FEZ2: variants seen among roughly 807,000 people sequenced by gnomAD.
The protein encoded by FEZ2 is fasciculation and elongation protein zeta 2.
A neutral mutation model predicts 40.4 loss-of-function variants in FEZ2; 51 were observed. The ratio of observed to expected loss-of-function variants is 1.26; its 90% CI spans 1.01 to 1.59. The LOEUF (loss-of-function observed/expected upper bound fraction) is 1.59. Among genes scored for constraint, FEZ2 ranks in the 40% most tolerant of loss-of-function variants. FEZ2 has a pLI of 0.00. For missense variants in FEZ2, 640 were observed against 438.3 expected (o/e 1.46, Z -4.11); for synonymous variants, 242 against 172.0 (o/e 1.41, Z -3.18).
At position 36,597,928 on chromosome 2, in the gene FEZ2, GGGGGCTCGGCGCCCGGATCCGA is replaced by G; in HGVS notation, c.193_214del (p.Ser65ArgfsTer23). The G allele has an allele frequency of 7.0e-7, 1 of 1,436,036 alleles. No homozygotes were observed. The highest frequency in any genetic ancestry group is 9.1e-7 in the Non-Finnish European group (1 of 1,101,658). The allele number at this position is 1,436,036 out of a possible 1,614,324, so 89.0% of individuals were successfully genotyped here. On this transcript the variant is annotated frameshift_variant, in exon 1 of 8. Transcript: ENST00000405912. LOFTEE classifies it high-confidence loss of function. ...CGTGATGGGCCGCACGGCCGTCCTC[GGGGGCTCGGCGCCCGGATCCGA>G]GGGGCGGAAGCACAGGCTCAGCTTC... is the stretch of plus-strand genomic sequence containing the variant.
At chr2:36,555,619 G>T in intron 7 of FEZ2, 64 bp downstream of exon 7, 2 of 805,330 alleles carry the variant, frequency 2.5e-6, no homozygotes, top group Non-Finnish European at 4.0e-6. Flanking sequence ...TATTAGCAAG[G>T]CGATGTATTT....
intron 1 of FEZ2, among the ~76,000 whole-genome samples, chr2:36,592,270 G>A (rs1669093237): frequency 6.6e-6 from 1 of 151,832 alleles, no homozygotes; most frequent in Middle Eastern, 3.4e-3. Context: ...ATAAACATAA[G>A]AATGAATTTT....
At position 36,555,702 on chromosome 2, in the gene FEZ2, T is replaced by A; in HGVS notation, c.1026A>T (p.Leu342Phe). The change falls in exon 7 of 8, where the codon TTA becomes TTT. Residue 342 changes from leucine (L) to phenylalanine (F), a missense_variant. Physicochemically the swap from Leu to Phe is conservative, Grantham distance 22. Coordinates refer to ENST00000405912, the MANE Select transcript of FEZ2 (RefSeq NM_005102.3). Reference sequence around the variant, plus strand: ...ACTCACCTTTCAGAATATAATCAGTTAACAAGCTCGGAACTTTTTCACTGT... The same window carrying A: ...ACTCACCTTTCAGAATATAATCAGTAAACAAGCTCGGAACTTTTTCACTGT... ...KEDSEKVPSL[L>F]TDYILKVLCP... 1 of 1,597,294 alleles carries A rather than the reference T, an allele frequency of 6.3e-7. No individual in the cohort carries two copies. Among genetic ancestry groups the A allele is most frequent in the East Asian group, 2.2e-5 (1 of 44,634 alleles).
intron 7 of FEZ2, among the ~76,000 whole-genome samples, chr2:36,555,002 A>C (rs1183440808): frequency 6.6e-6 from 1 of 152,168 alleles, no homozygotes; most frequent in East Asian, 1.9e-4. Context: ...ATTTCATCGT[A>C]AAGTATTAAT....
At position 36,592,592 on chromosome 2, in the gene FEZ2, A is replaced by G. The variant is rs188524917; in HGVS notation, c.267-1581T>C. Among the ~76,000 whole-genome samples the G allele has an allele frequency of 5.8e-3, 870 of 149,794 alleles. 14 individuals are homozygous for G. Among genetic ancestry groups the G allele is most frequent in the African/African-American group, 0.02 (831 of 40,604 alleles). ...AAGCCAAAGTGGGAGGATTGCTTGAAGCCAGGAGTTCAAGACCAGCCTGGG... is the reference window on the plus strand; with the variant it reads ...AAGCCAAAGTGGGAGGATTGCTTGAGGCCAGGAGTTCAAGACCAGCCTGGG... On this transcript the variant is annotated intron_variant, in intron 1 of 7. Coordinates refer to ENST00000405912, the MANE Select transcript of FEZ2 (RefSeq NM_005102.3).
chr2:36,594,195 G>T (rs150538037), intron 1 of FEZ2, among the ~76,000 whole-genome samples: 2 of 152,010 alleles, frequency 1.3e-5, no homozygotes, highest in East Asian at 4.0e-4. Context: ...CAAGTCTCTA[G>T]GAAGTTCCAA....
intron 7 of FEZ2, chr2:36,555,277 C>A (rs1429182079): frequency 6.4e-6 from 1 of 156,420 alleles, no homozygotes; most frequent in Non-Finnish European, 1.4e-5. Context: ...AGATGTGACT[C>A]TTCCTTCCTT....
intron 5 of FEZ2, among the ~76,000 whole-genome samples, chr2:36,566,954 A>G (rs367784275): frequency 1.2e-4 from 18 of 151,068 alleles, no homozygotes; most frequent in African/African-American, 4.1e-4. Context: ...AGACACACAC[A>G]CACTCTCTCT....
In FEZ2 at chr2:36,597,992, C is replaced by T; in HGVS notation, c.151G>A (p.Ala51Thr). The change falls in exon 1 of 8, where the codon GCC becomes ACC. Residue 51 changes from alanine (A) to threonine (T), a missense_variant. Physicochemically the swap from Ala to Thr is moderately conservative, Grantham distance 58. Transcript: ENST00000405912. ...CTCAGCTTCTCCTCCAAGCTGCAGG[C>T]CGGGGCCGGGAAACCGTCGGCGCCC... ...GGGADGFPAP[A>T]CSLEEKLSLC... The T allele has an allele frequency of 6.7e-7, 1 of 1,496,840 alleles. No homozygotes were observed. The highest frequency in any genetic ancestry group is 8.9e-7 in the Non-Finnish European group (1 of 1,128,872). 92.7% of individuals were successfully genotyped at this position (1,496,840 alleles called of 1,614,324 possible). A position where few individuals can be genotyped will look rare whatever the true frequency, so the allele number is the denominator to read the frequency against.
At chr2:36,585,565 T>G (rs996669386) in intron 2 of FEZ2, among the ~76,000 whole-genome samples, 1 of 152,182 alleles carries the variant, frequency 6.6e-6, no homozygotes, top group Non-Finnish European at 1.5e-5. Flanking sequence ...TTTACTAAAA[T>G]GAGTTCTACG....
chr2:36,588,501 T>C (rs1232814977), intron 2 of FEZ2, among the ~76,000 whole-genome samples: 5 of 152,168 alleles, frequency 3.3e-5, no homozygotes, highest in Non-Finnish European at 7.4e-5. Context: ...TCCCTCGGTA[T>C]CCAAGGGAAA....
At chr2:36,555,970 C>T in intron 6 of FEZ2, 1 of 660,310 alleles carries the variant, frequency 1.5e-6, no homozygotes, top group Non-Finnish European at 2.8e-6. Flanking sequence ...AAGAATATCC[C>T]ACTTACCTGA....
At chr2:36,592,464 G>T (rs1243269744) in intron 1 of FEZ2, among the ~76,000 whole-genome samples, 4 of 152,052 alleles carry the variant, frequency 2.6e-5, no homozygotes, top group Admixed American at 2.0e-4. Flanking sequence ...GAAGCAATAG[G>T]ACTGCAACGG....
chr2:36,564,978 C>T (rs556729820), intron 5 of FEZ2, among the ~76,000 whole-genome samples: 6 of 152,268 alleles, frequency 3.9e-5, no homozygotes, highest in East Asian at 3.9e-4. Flanking sequence ...AGAGAGACAT[C>T]CCCTCATTTG....
chr2:36,586,738 C>G (rs1378625771), intron 2 of FEZ2, among the ~76,000 whole-genome samples: 1 of 152,096 alleles, frequency 6.6e-6, no homozygotes, highest in African/African-American at 2.4e-5. Context: ...GTCAGGACAT[C>G]AAGACCACCC....
intron 2 of FEZ2, 42 bp downstream of exon 2, chr2:36,590,861 G>T: frequency 9.4e-7 from 1 of 1,064,770 alleles, no homozygotes; most frequent in African/African-American, 1.6e-5. Context: ...TCTATTATCA[G>T]CATCAGTTAT....
chr2:36,581,515 C>A, intron 3 of FEZ2, 84 bp from the exon 4 acceptor site: 1 of 1,244,792 alleles, frequency 8.0e-7, no homozygotes, highest in Non-Finnish European at 1.2e-6. Flanking sequence ...CTAAGGCACC[C>A]AGAGCAGAAA....
intron 1 of FEZ2, among the ~76,000 whole-genome samples, chr2:36,592,148 T>C (rs1233009785): frequency 6.6e-6 from 1 of 152,278 alleles, no homozygotes; most frequent in Non-Finnish European, 1.5e-5. Context: ...AAAGATGTCA[T>C]GTAGAAAAAA....
chr2:36,575,298 C>T (rs956700991), intron 5 of FEZ2, among the ~76,000 whole-genome samples: 3 of 152,132 alleles, frequency 2.0e-5, no homozygotes, highest in African/African-American at 7.2e-5. Context: ...AATCCTCTCG[C>T]CTCAGACTCC....
Sources: allele counts gnomAD v4.1 joint callset (sites outside exome capture counted in the v4.1 genomes callset), GRCh38; gene constraint gnomAD v4.1.1; transcripts MANE v1.5; gene names NCBI Gene and HGNC (gene_info 2026-07-23, HGNC 2026-07-21).